AGBL1: variants seen among roughly 807,000 people sequenced by gnomAD.
AGBL1 encodes the protein cytosolic carboxypeptidase 4.
A neutral mutation model predicts 118.9 loss-of-function variants in AGBL1; 130 were observed. That is an observed-to-expected ratio of 1.09 (90% confidence interval 0.95 to 1.26). AGBL1 has a LOEUF of 1.26. AGBL1 is among the 50% of genes most tolerant of loss of function. The pLI, the probability that AGBL1 is intolerant of heterozygous loss-of-function variation, is 0.00. For missense variants in AGBL1, 1,584 were observed against 1,298.1 expected, an observed-to-expected ratio of 1.22 and a Z score of -3.38; for synonymous variants, 555 against 478.9, an observed-to-expected ratio of 1.16 and a Z score of -2.08.
Position 86,958,535 on chromosome 15 carries a change from G to C in AGBL1, c.3222-29452G>C, listed in dbSNP as rs548066024. Reference sequence around the variant, plus strand: ...AGTAAATTTAACAGGAAAAAGTTTAGTATAAGGTTCTGCAACAATTAGCTG... The same window carrying C: ...AGTAAATTTAACAGGAAAAAGTTTACTATAAGGTTCTGCAACAATTAGCTG... On this transcript the variant is annotated intron_variant, in intron 23 of 24. Transcript: ENST00000441037. Among the ~76,000 whole-genome samples the C allele has an allele frequency of 1.2e-3, 180 of 152,182 alleles. 1 individual carries two copies. The highest frequency in any genetic ancestry group is 3.5e-3 in the African/African-American group (146 of 41,548).
chr15:86,790,857 C>A (rs2078483803), intron 22 of AGBL1, among the ~76,000 whole-genome samples: 1 of 151,894 alleles, frequency 6.6e-6, no homozygotes, highest in Non-Finnish European at 1.5e-5. Context: ...CTTCTGTAAC[C>A]ACCAAGAAGC....
At chr15:86,863,871 G>C (rs1181621624) in intron 22 of AGBL1, among the ~76,000 whole-genome samples, 2 of 152,192 alleles carry the variant, frequency 1.3e-5, no homozygotes, top group East Asian at 3.9e-4. Flanking sequence ...GTCTTAAAAT[G>C]GGGATTATAA....
At chr15:86,618,383 T>C (rs1332921352) in intron 21 of AGBL1, among the ~76,000 whole-genome samples, 1 of 152,118 alleles carries the variant, frequency 6.6e-6, no homozygotes, top group East Asian at 1.9e-4. Flanking sequence ...CACCAGCAGG[T>C]CTATTAAGGT....
intron 22 of AGBL1, among the ~76,000 whole-genome samples, chr15:86,680,053 C>T (rs779497585): frequency 6.6e-6 from 1 of 152,136 alleles, no homozygotes; most frequent in African/African-American, 2.4e-5. Context: ...GCACCTTGAA[C>T]ATGTACATAC....
intron 22 of AGBL1, among the ~76,000 whole-genome samples, chr15:86,778,066 T>C (rs2078284054): frequency 6.6e-6 from 1 of 152,134 alleles, no homozygotes; most frequent in Non-Finnish European, 1.5e-5. Context: ...ATTTTAAAGC[T>C]GGGTGTCCAG....
chr15:86,655,120 C>A (rs1023200826), intron 21 of AGBL1, among the ~76,000 whole-genome samples: 1 of 152,156 alleles, frequency 6.6e-6, no homozygotes, highest in African/African-American at 2.4e-5. Flanking sequence ...CCAGATGCAT[C>A]TGGTGGGACA....
At chr15:86,491,341 G>A (rs967808924) in intron 18 of AGBL1, among the ~76,000 whole-genome samples, 23 of 152,184 alleles carry the variant, frequency 1.5e-4, no homozygotes, top group East Asian at 1.9e-4. Flanking sequence ...AAAAGCATAC[G>A]GTGGCAGCCT....
chr15:86,359,387 C>CTTTTTTTTTTTTTTTTTT, intron 17 of AGBL1, among the ~76,000 whole-genome samples: 1 of 93,808 alleles, frequency 1.1e-5, no homozygotes, highest in African/African-American at 4.1e-5. Context: ...TATTGGTTTT[C>CTTTTTTTTTTTTTTTTTT]TTTTTTTTTT....
rs1304240577 is a variant in AGBL1 at position 86,266,992 on chromosome 15, C to T, written c.1754C>T (p.Pro585Leu). ...ACATGTTCCTTATTTCATTGTAGGC[C>T]TTTGCAAGACAATGCTTCCAATTGT... ...KVVFSLDEPW[P>L]LQDNASNCLR... is the part of the protein sequence containing the mutation. The change falls in exon 13 of 23, where the codon CCT (proline) becomes CTT (leucine). Residue 585 changes from proline to leucine, a missense_variant and splice_region_variant. Pro to Leu is a moderately conservative substitution (Grantham distance 98, BLOSUM62 -3). Coordinates refer to ENST00000614907, the MANE Select transcript of AGBL1 (RefSeq NM_001386094.1). 2 of 1,566,346 alleles carry T rather than the reference C, an allele frequency of 1.3e-6. No homozygotes were observed. The highest frequency in any genetic ancestry group is 2.7e-5 in the African/African-American group (2 of 73,892).
At chr15:86,706,662 A>G (rs1009026183) in intron 22 of AGBL1, among the ~76,000 whole-genome samples, 3 of 152,206 alleles carry the variant, frequency 2.0e-5, no homozygotes, top group Non-Finnish European at 2.9e-5. Context: ...CAGTTAACAC[A>G]GTTGCCTAAC....
chr15:86,194,370 C>A (rs1325481383), intron 5 of AGBL1, among the ~76,000 whole-genome samples: 1 of 152,204 alleles, frequency 6.6e-6, no homozygotes, highest in Non-Finnish European at 1.5e-5. Context: ...TACTAGAGTA[C>A]AGTGTCTATG....
At chr15:86,308,993 G>A (rs946340113) in intron 17 of AGBL1, among the ~76,000 whole-genome samples, 2 of 152,062 alleles carry the variant, frequency 1.3e-5, no homozygotes. Context: ...AGATTGAATT[G>A]GGTCTGTAGA....
intron 24 of AGBL1, among the ~76,000 whole-genome samples, chr15:87,017,901 T>C (rs2081623136): frequency 6.6e-6 from 1 of 152,008 alleles, no homozygotes; most frequent in East Asian, 1.9e-4. Flanking sequence ...ATAATCATCA[T>C]AAAACAATAC....
At chr15:86,981,613 C>T (rs532556006) in intron 23 of AGBL1, among the ~76,000 whole-genome samples, 3 of 152,254 alleles carry the variant, frequency 2.0e-5, no homozygotes, top group Admixed American at 6.5e-5. Context: ...GATTGTTTTT[C>T]GTCACAGAAA....
intron 22 of AGBL1, among the ~76,000 whole-genome samples, chr15:86,858,793 G>A (rs1476576796): frequency 2.0e-5 from 3 of 152,148 alleles, no homozygotes; most frequent in Admixed American, 2.0e-4. Context: ...GTGTGTACTT[G>A]TATGTGAATT....
At chr15:86,770,611 G>A (rs902676534) in intron 22 of AGBL1, among the ~76,000 whole-genome samples, 1 of 151,990 alleles carries the variant, frequency 6.6e-6, no homozygotes, top group Non-Finnish European at 1.5e-5. Flanking sequence ...GGCAGAGTTG[G>A]TCAGAGGAGA....
chr15:86,946,602 C>T (rs754398396), intron 23 of AGBL1, among the ~76,000 whole-genome samples: 1 of 151,992 alleles, frequency 6.6e-6, no homozygotes. Flanking sequence ...AATCTCAGCA[C>T]TTTGGGAGGC....
chr15:86,772,872 G>A (rs1445741959), intron 22 of AGBL1, among the ~76,000 whole-genome samples: 2 of 152,034 alleles, frequency 1.3e-5, no homozygotes, highest in African/African-American at 4.8e-5. Flanking sequence ...TCAGTAGTGT[G>A]ATCACAGCAA....
chr15:86,707,574 C>A (rs2086475327), intron 22 of AGBL1, among the ~76,000 whole-genome samples: 1 of 152,070 alleles, frequency 6.6e-6, no homozygotes, highest in Admixed American at 6.6e-5. Flanking sequence ...CCTCTCATAC[C>A]TTTCCCATAA....
Sources: allele counts gnomAD v4.1 joint callset (sites outside exome capture counted in the v4.1 genomes callset), GRCh38; gene constraint gnomAD v4.1.1; transcripts MANE v1.5; gene names NCBI Gene and HGNC (gene_info 2026-07-23, HGNC 2026-07-21).